The following ALK variants were observed in gnomAD, a reference collection of about 807,000 sequenced individuals.
ALK encodes ALK tyrosine kinase receptor.
ALK carries 74 observed loss-of-function variants against 163.1 expected under a neutral mutation model. That is an observed-to-expected ratio of 0.45 (90% confidence interval 0.38 to 0.55). The LOEUF (loss-of-function observed/expected upper bound fraction) is 0.55, where lower values mean the gene tolerates loss of function less well. Among genes scored for constraint, ALK ranks in the 20% least tolerant of loss-of-function variants. ALK has a pLI of 0.00. For synonymous variants in ALK, 960 were observed against 843.2 expected (o/e 1.14, Z -2.40); for missense variants, 2,063 against 2,105.3 (o/e 0.98, Z 0.39).
chr2:29,893,594 T>C (rs1368717228), intron 1 of ALK, among the ~76,000 whole-genome samples: 1 of 152,180 alleles, frequency 6.6e-6, no homozygotes, highest in Non-Finnish European at 1.5e-5. Context: ...CTTTCTCAGC[T>C]TGGCAACCAA....
chr2:29,203,076 C>T (rs546583923), intron 26 of ALK, among the ~76,000 whole-genome samples: 1 of 152,276 alleles, frequency 6.6e-6, no homozygotes, highest in East Asian at 1.9e-4. Context: ...TGCAGAGTCC[C>T]ACCCCTAGAG....
intron 4 of ALK, among the ~76,000 whole-genome samples, chr2:29,522,480 C>T (rs1215329008): frequency 6.6e-6 from 1 of 152,132 alleles, no homozygotes; most frequent in African/African-American, 2.4e-5. Context: ...CCGTCCCCAG[C>T]CAGCAGCCTC....
At chr2:29,681,143 C>T (rs1202720268) in intron 3 of ALK, 2 of 152,344 alleles carry the variant, frequency 1.3e-5, no homozygotes, top group African/African-American at 2.4e-5. Flanking sequence ...ATGTCCAGTT[C>T]ATCCTTTTTT....
intron 1 of ALK, among the ~76,000 whole-genome samples, chr2:29,893,185 T>C (rs938764907): frequency 1.3e-5 from 2 of 152,132 alleles, no homozygotes; most frequent in Non-Finnish European, 2.9e-5. Context: ...GGCCCTGGGA[T>C]TTCAGCCACT....
intron 3 of ALK, among the ~76,000 whole-genome samples, chr2:29,552,615 C>A (rs1328050528): frequency 1.3e-5 from 2 of 152,164 alleles, no homozygotes; most frequent in Admixed American, 1.3e-4. Context: ...TGATGTTGAG[C>A]ATATTTTTAT....
At chr2:29,264,740 G>A (rs1665169105) in intron 11 of ALK, among the ~76,000 whole-genome samples, 9 of 152,230 alleles carry the variant, frequency 5.9e-5, no homozygotes, top group Admixed American at 5.9e-4. Flanking sequence ...GGGGTACAGT[G>A]AGTGGGTGCT....
chr2:29,689,568 T>G (rs972276162), intron 3 of ALK, among the ~76,000 whole-genome samples: 3 of 152,142 alleles, frequency 2.0e-5, no homozygotes, highest in African/African-American at 7.2e-5. Context: ...CTGAAGGGTC[T>G]AAGAATTCAC....
At chr2:29,210,514 C>T (rs1466195970) in intron 24 of ALK, among the ~76,000 whole-genome samples, 1 of 152,068 alleles carries the variant, frequency 6.6e-6, no homozygotes, top group Non-Finnish European at 1.5e-5. Context: ...CTCACTGCAA[C>T]CTCTGCCTCC....
intron 1 of ALK, among the ~76,000 whole-genome samples, chr2:29,842,750 G>A (rs1461121761): frequency 6.6e-6 from 1 of 152,220 alleles, no homozygotes; most frequent in Non-Finnish European, 1.5e-5. Context: ...GCCTGCATTG[G>A]ACTGTGTAGA....
At chr2:29,284,201 G>T (rs1228554411) in intron 9 of ALK, among the ~76,000 whole-genome samples, 1 of 152,146 alleles carries the variant, frequency 6.6e-6, no homozygotes, top group Non-Finnish European at 1.5e-5. Flanking sequence ...GGTGTGGGTG[G>T]GACACCAGTC....
At position 29,571,306 on chromosome 2, in the gene ALK, T is replaced by C. The variant is rs190061136; in HGVS notation, c.953-39190A>G. On this transcript the variant is annotated intron_variant, in intron 3 of 28. Coordinates refer to ENST00000389048, the MANE Select transcript of ALK (RefSeq NM_004304.5). ...GTTCTGTGTCCCCACCCAAATCTCA[T>C]CTCCAATTGTAATCCCCACATGTCG... 4.1e-3 allele frequency among the ~76,000 whole-genome samples: 627 copies of C among 152,204 alleles called. 7 individuals carry two copies. Among genetic ancestry groups the C allele is most frequent in the African/African-American group, 0.015 (605 of 41,510 alleles).
intron 4 of ALK, among the ~76,000 whole-genome samples, chr2:29,399,201 T>G (rs1454910915): frequency 2.0e-5 from 3 of 152,182 alleles, no homozygotes; most frequent in African/African-American, 7.2e-5. Flanking sequence ...GAGGTAGGAA[T>G]TGTTGTTCCC....
At chr2:29,424,485 T>G (rs1307308921) in intron 4 of ALK, among the ~76,000 whole-genome samples, 3 of 152,230 alleles carry the variant, frequency 2.0e-5, no homozygotes, top group African/African-American at 7.2e-5. Context: ...GGATTAAAGT[T>G]GTTCTTGTAT....
chr2:29,718,194 G>A (rs1279705783), intron 1 of ALK, among the ~76,000 whole-genome samples: 1 of 152,172 alleles, frequency 6.6e-6, no homozygotes. Context: ...TTATGTTATT[G>A]TCAGGGTTGT....
In ALK at chr2:29,296,341, G is replaced by A. The variant is rs970789897; in HGVS notation, c.1817+547C>T. ...TGACTCAACAGAGAACACTGGACTCGGAGTCGGGCCTGGGCACCAGTCCCA... is the reference window on the plus strand; with the variant it reads ...TGACTCAACAGAGAACACTGGACTCAGAGTCGGGCCTGGGCACCAGTCCCA... On this transcript the variant is annotated intron_variant, in intron 9 of 28. Coordinates refer to ENST00000389048, the MANE Select transcript of ALK (RefSeq NM_004304.5). Among the ~76,000 whole-genome samples, 10 of 152,300 alleles carry A rather than the reference G, an allele frequency of 6.6e-5. 1 individual carries two copies. The highest frequency in any genetic ancestry group is 3.9e-4 in the East Asian group (2 of 5,184).
chr2:29,364,091 T>C (rs1278378367), intron 5 of ALK, among the ~76,000 whole-genome samples: 1 of 152,194 alleles, frequency 6.6e-6, no homozygotes, highest in Non-Finnish European at 1.5e-5. Context: ...TGAATATTAC[T>C]GTACTAATAT....
At chr2:29,539,371 T>C (rs1673352063) in intron 3 of ALK, among the ~76,000 whole-genome samples, 2 of 152,190 alleles carry the variant, frequency 1.3e-5, no homozygotes, top group Admixed American at 6.5e-5. Context: ...AGTCTTGGTA[T>C]ATGTTATCAG....
chr2:29,417,663 C>A (rs1431951101), intron 4 of ALK, among the ~76,000 whole-genome samples: 3 of 152,176 alleles, frequency 2.0e-5, no homozygotes, highest in African/African-American at 4.8e-5. Flanking sequence ...TAGCTTCTAA[C>A]CTACATCCTG....
At chr2:29,401,358 G>T (rs1254198458) in intron 4 of ALK, among the ~76,000 whole-genome samples, 1 of 152,118 alleles carries the variant, frequency 6.6e-6, no homozygotes, top group Non-Finnish European at 1.5e-5. Flanking sequence ...AGCACCACAG[G>T]ACTCTCCAGA....
Sources: allele counts gnomAD v4.1 joint callset (sites outside exome capture counted in the v4.1 genomes callset), GRCh38; gene constraint gnomAD v4.1.1; transcripts MANE v1.5; gene names NCBI Gene and HGNC (gene_info 2026-07-23, HGNC 2026-07-21).